COL16A1: variants seen among roughly 807,000 people sequenced by gnomAD.
COL16A1 encodes collagen alpha-1(XVI) chain.
COL16A1 carries 189 observed loss-of-function variants against 266.3 expected under a neutral mutation model. The observed-to-expected ratio is 0.71, with a 90% confidence interval of 0.63 to 0.80. The LOEUF is 0.80. COL16A1 is among the 30% of genes least tolerant of loss of function. COL16A1 has a pLI of 0.00. For synonymous variants in COL16A1, 740 were observed against 782.3 expected (o/e 0.95, Z 0.90); for missense variants, 1,928 against 2,122.4 (o/e 0.91, Z 1.80).
Position 31,665,376 on chromosome 1 carries a change from T to G in COL16A1, c.3493-142A>C. ...AAGCACCACTTGGGAGCATTACGTC[T>G]GCCTGGCCTGCTGGGCTGGGGCCCA... On this transcript the variant is annotated intron_variant, in intron 55 of 70. Transcript: ENST00000373672. 2.1e-6 allele frequency: 3 copies of G among 1,419,446 alleles called. No individual in the cohort carries two copies. In the South Asian group the frequency reaches 4.1e-5, roughly 19 times the overall value. The allele number at this position is 1,419,446 out of a possible 1,614,324, so 87.9% of individuals were successfully genotyped here.
intron 42 of COL16A1, among the ~76,000 whole-genome samples, chr1:31,676,178 A>T (rs1643165735): frequency 6.6e-6 from 1 of 152,166 alleles, no homozygotes; most frequent in Non-Finnish European, 1.5e-5. Flanking sequence ...TATAAAAGTT[A>T]GCAGGGCATG....
intron 51 of COL16A1, among the ~76,000 whole-genome samples, chr1:31,667,920 G>A (rs1200669578): frequency 6.6e-6 from 1 of 152,190 alleles, no homozygotes; most frequent in African/African-American, 2.4e-5. Context: ...CTCAGTTCTT[G>A]CTGTGTCTGG....
rs907380402 is a variant in COL16A1, at chr1:31,663,558, G to C, written c.3556-900C>G. Reference sequence around the variant, plus strand: ...TCGAACAGTCAGTGGTTTTTAAGCTGTACTTCTCAGAGCACTGGGGCTTCT... The same window carrying C: ...TCGAACAGTCAGTGGTTTTTAAGCTCTACTTCTCAGAGCACTGGGGCTTCT... On this transcript the variant is annotated intron_variant, in intron 56 of 70. Coordinates refer to ENST00000373672, the MANE Select transcript of COL16A1 (RefSeq NM_001856.4). This position sits in a 1 kb window ranked among gnomAD's most constrained non-coding sequence, Gnocchi z 4.9. 6.6e-6 allele frequency: 1 copy of C among 152,156 alleles called. No individual in the cohort carries two copies. Among genetic ancestry groups the C allele is most frequent in the African/African-American group, 2.4e-5 (1 of 41,406 alleles). The allele number at this position is 152,156 out of a possible 1,614,324, so 9.4% of individuals were successfully genotyped here. A position where few individuals can be genotyped will look rare whatever the true frequency, so the allele number is the denominator to read the frequency against.
At chr1:31,684,698 C>T (rs1643886380) in intron 30 of COL16A1, 68 bp from the exon 31 acceptor site, 9 of 1,607,124 alleles carry the variant, frequency 5.6e-6, no homozygotes, top group East Asian at 2.2e-5. Flanking sequence ...CCCTGGGACT[C>T]GCAGGCACTC....
intron 42 of COL16A1, 139 bp downstream of exon 42, chr1:31,679,493 C>T (rs1465468023): frequency 6.2e-6 from 10 of 1,613,686 alleles, no homozygotes; most frequent in Non-Finnish European, 8.5e-6. Flanking sequence ...CCCTGGGAGG[C>T]AGGTAAACAG....
chr1:31,652,839 G>A lies in COL16A1; in HGVS notation c.4627C>T (p.Pro1543Ser). ...LPGPPGPQGP[P>S]GYGKMGATGP... ...GTTGCACCCATCTTGCCATAGCCTG[G>A]AGGACCTTGAGGACCTAGGGAGGGA... The change falls in exon 71 of 71, where the codon CCA becomes TCA. Residue 1543 changes from proline (P) to serine (S), a missense_variant. Coordinates refer to ENST00000373672, the MANE Select transcript of COL16A1 (RefSeq NM_001856.4). The surrounding 1 kb of genome is among the most constrained non-coding windows in gnomAD (Gnocchi z 4.8). 1 of 1,523,922 alleles carries A rather than the reference G, an allele frequency of 6.6e-7. No individual in the cohort carries two copies. The highest frequency in any genetic ancestry group is 1.3e-5 in the South Asian group (1 of 78,132). 94.4% of individuals were successfully genotyped at this position (1,523,922 alleles called of 1,614,324 possible).
chr1:31,698,492 C>T lies in COL16A1; in HGVS notation c.381G>A (p.Gly127=), dbSNP rs761992993. The T allele has an allele frequency of 6.2e-7, 1 of 1,614,110 alleles. No homozygotes were observed. The highest frequency in any genetic ancestry group is 8.5e-7 in the Non-Finnish European group (1 of 1,180,018). The change falls in exon 5 of 71, where the codon GGG becomes GGA. Residue 127 remains glycine, a synonymous_variant. Coordinates refer to ENST00000373672, the MANE Select transcript of COL16A1 (RefSeq NM_001856.4). This position sits in a 1 kb window ranked among gnomAD's most constrained non-coding sequence, Gnocchi z 4.1. ...WYLFQVTDAN[G]YPQISLEVNS... is the part of the protein sequence containing the mutation. ...CACAGGGGAGGTTCACCTGTGGATA[C>T]CCATTTGCATCGGTCACTTGAAACA...
rs553961024 is a variant in COL16A1, at chr1:31,652,604, C to T, written c.*47G>A. 4.0e-6 allele frequency: 6 copies of T among 1,503,522 alleles called. No individual in the cohort carries two copies. The African/African-American group carries it at 5.6e-5, about 14-fold the overall frequency. 93.1% of individuals were successfully genotyped at this position (1,503,522 alleles called of 1,614,324 possible). On this transcript the variant is annotated 3_prime_UTR_variant, in exon 71 of 71. Coordinates refer to ENST00000373672, the MANE Select transcript of COL16A1 (RefSeq NM_001856.4). The surrounding 1 kb of genome is among the most constrained non-coding windows in gnomAD (Gnocchi z 4.8). ...TGTCACAGAGTCCTATAAGCTTTGG[C>T]CATTTATTCCCAACGGAGTCTTTCA...
At chr1:31,699,390 A>C (rs990829906) in intron 4 of COL16A1, among the ~76,000 whole-genome samples, 3 of 152,252 alleles carry the variant, frequency 2.0e-5, no homozygotes, top group Non-Finnish European at 4.4e-5. Context: ...AGAGATAAAA[A>C]AGAGCATTTT....
At position 31,684,320 on chromosome 1, in the gene COL16A1, C is replaced by T. The variant is rs1643869352; in HGVS notation, c.2161-89G>A. 12 of 1,446,698 alleles carry T rather than the reference C, an allele frequency of 8.3e-6. No homozygotes were observed. The South Asian group carries it at 1.8e-4, about 21-fold the overall frequency. 89.6% of individuals were successfully genotyped at this position (1,446,698 alleles called of 1,614,324 possible). A position where few individuals can be genotyped will look rare whatever the true frequency, so the allele number is the denominator to read the frequency against. On this transcript the variant is annotated intron_variant, in intron 31 of 70. Transcript: ENST00000373672. ...CTGCACCCCTCTGAACACTCTGCCC[C>T]TTGAATGCTCCCACGTCAGCCTGGG...
chr1:31,662,968 C>T (rs1641824535), intron 56 of COL16A1: 3 of 493,216 alleles, frequency 6.1e-6, no homozygotes, highest in Non-Finnish European at 3.7e-6. Context: ...GAACTGAAAG[C>T]ACAGCTTCAA....
Position 31,695,798 on chromosome 1 carries a change from G to T in COL16A1, c.919-11C>A. On this transcript the variant is annotated splice_polypyrimidine_tract_variant and intron_variant, in intron 9 of 70. Transcript: ENST00000373672. ...TGTCTCCTGATGGACCTGAGGAAAG[G>T]GTGGGGGGTGTGGGAATGGGCAGGG... 1 of 1,612,660 alleles carries T rather than the reference G, an allele frequency of 6.2e-7. No individual in the cohort carries two copies. Among genetic ancestry groups the T allele is most frequent in the Non-Finnish European group, 8.5e-7 (1 of 1,179,186 alleles).
intron 44 of COL16A1, among the ~76,000 whole-genome samples, 161 bp downstream of exon 44, chr1:31,674,823 GTTGCCTGGGGGCCTGTTACAAGC>G (rs1643040950): frequency 6.6e-6 from 1 of 152,202 alleles, no homozygotes; most frequent in African/African-American, 2.4e-5. Flanking sequence ...TTCAGCAAAT[GTTGCCTGGGGGCCTGTTACAAGC>G]CAGGCATCAG....
rs1031441839 is a variant in COL16A1, at chr1:31,661,692, G to A, written c.3694C>T (p.Pro1232Ser). Residue 1232 changes from proline to serine, a missense_variant, in exon 59 of 71, where the codon CCT becomes TCT. Pro to Ser is a moderately conservative substitution (Grantham distance 74). Coordinates refer to ENST00000373672, the MANE Select transcript of COL16A1 (RefSeq NM_001856.4). ...GKPGLRGDPG[P>S]AGPPGLMGPP... ...CCCATGAGTCCAGGGGGGCCAGCAG[G>A]ACCAGGGTCCCCCTAGGGAAAGAGA... 6.2e-7 allele frequency: 1 copy of A among 1,601,204 alleles called. No homozygotes were observed.
At chr1:31,667,392 C>A (rs974620917) in intron 52 of COL16A1, among the ~76,000 whole-genome samples, 183 bp downstream of exon 52, 1 of 152,160 alleles carries the variant, frequency 6.6e-6, no homozygotes, top group African/African-American at 2.4e-5. Context: ...CCCTTGGCAG[C>A]CCTGCGGGGA....
rs182554656 is a variant in COL16A1, at chr1:31,690,611, G to T, written c.1438-38C>A. 1.1e-3 allele frequency: 1,734 copies of T among 1,609,996 alleles called. 1 individual carries two copies. Among genetic ancestry groups the T allele is most frequent in the Non-Finnish European group, 1.4e-3 (1,629 of 1,178,968 alleles). On this transcript the variant is annotated intron_variant, in intron 20 of 70. Transcript: ENST00000373672. ...GAAAGGATAAGCGGGGAGCCTTCTG[G>T]CCAATGCAATCTCGGTGCGTTCCCC... is the stretch of plus-strand genomic sequence containing the variant.
Position 31,683,986 on chromosome 1 carries a change from T to A in COL16A1, c.2301A>T (p.Pro767=). Reference sequence around the variant, plus strand: ...TCAGTCCTGGGGGCCCTTGAACTCCTGGTAGACCGGGTTGGCCCTAAAAGG... The same window carrying A: ...TCAGTCCTGGGGGCCCTTGAACTCCAGGTAGACCGGGTTGGCCCTAAAAGG... ...RPGKPGQPGL[P]GVQGPPGLKG... is the part of the protein sequence containing the mutation. The change falls in exon 33 of 71, where the codon CCA becomes CCT. Residue 767 remains proline (P), a synonymous_variant. Coordinates refer to ENST00000373672, the MANE Select transcript of COL16A1 (RefSeq NM_001856.4). The A allele has an allele frequency of 6.2e-7, 1 of 1,614,106 alleles. No homozygotes were observed.
chr1:31,679,594 C>G, intron 42 of COL16A1, 38 bp downstream of exon 42: 1 of 1,614,222 alleles, frequency 6.2e-7, no homozygotes, highest in African/African-American at 1.3e-5. Context: ...CCCATGAGCT[C>G]TGCCACCCAA....
At chr1:31,669,152 C>T (rs1340040524) in intron 49 of COL16A1, among the ~76,000 whole-genome samples, 2 of 152,068 alleles carry the variant, frequency 1.3e-5, no homozygotes, top group African/African-American at 2.4e-5. Flanking sequence ...AGGTGCCCGT[C>T]GCTGGTATGC....
Sources: gnomAD v4.1 joint callset for allele counts (sites outside exome capture counted in the v4.1 genomes callset) on GRCh38, gnomAD v4.1.1 for gene constraint, Gnocchi (gnomAD v3.1) non-coding constraint, MANE v1.5 for transcripts, NCBI Gene and HGNC (gene_info 2026-07-23, HGNC 2026-07-21) for gene names.